CCDC18: variants seen among roughly 807,000 people sequenced by gnomAD.
CCDC18 encodes the protein coiled-coil domain containing 18.
In CCDC18, 157 loss-of-function variants were observed where a neutral mutation model predicts 196.0. The observed-to-expected ratio is 0.80, with a 90% CI of 0.70 to 0.91. The LOEUF is 0.91. Ranked by LOEUF, CCDC18 falls within the 40% of genes least tolerant of loss-of-function variation. CCDC18 has a pLI of 0.00. For synonymous variants in CCDC18, 482 were observed against 529.2 expected, an observed-to-expected ratio of 0.91 and a Z score of 1.22; for missense variants, 1,465 against 1,611.6, an observed-to-expected ratio of 0.91 and a Z score of 1.56.
At position 93,183,899 on chromosome 1, in the gene CCDC18, A is replaced by G. The variant is rs1460020025; in HGVS notation, c.135-79A>G. 1.3e-5 allele frequency: 12 copies of G among 899,260 alleles called. No homozygotes were observed. The South Asian group carries it at 3.3e-4, about 25-fold the overall frequency. The allele number at this position is 899,260 out of a possible 1,614,324, so 55.7% of individuals were successfully genotyped here. ...TGCTTAGCAGCATTTCAGGTTTTCT[A>G]TTTTCTTATTTAATGTATAGCAATT... On this transcript the variant is annotated intron_variant, in intron 2 of 28. Coordinates refer to ENST00000690025, the MANE Select transcript of CCDC18 (RefSeq NM_001378204.1).
chr1:93,186,208 A>T (rs1420905315), intron 3 of CCDC18, 137 bp from the exon 4 acceptor site: 3 of 738,152 alleles, frequency 4.1e-6, no homozygotes, highest in Non-Finnish European at 6.8e-6. Context: ...ATCCTTGTCA[A>T]TACTCACTAA....
In CCDC18 at chr1:93,252,700, A is replaced by G. The variant is rs1052043043; in HGVS notation, c.3199-1771A>G. ...CTTGTAGATATGCAACGACATCTGC[A>G]TATTCAGGGACTGGGTATTTATTTT... On this transcript the variant is annotated intron_variant, in intron 23 of 28. Transcript: ENST00000690025. Among the ~76,000 whole-genome samples, 6 of 152,290 alleles carry G rather than the reference A, an allele frequency of 3.9e-5. No individual in the cohort carries two copies. The East Asian group carries it at 1.2e-3, about 29-fold the overall frequency.
At chr1:93,243,503 C>A (rs1388465979) in intron 21 of CCDC18, among the ~76,000 whole-genome samples, 1 of 152,204 alleles carries the variant, frequency 6.6e-6, no homozygotes, top group African/African-American at 2.4e-5. Context: ...CTCTGACATG[C>A]CCTGGAGACA....
At chr1:93,232,133 G>A (rs557304170) in intron 17 of CCDC18, among the ~76,000 whole-genome samples, 11 of 152,262 alleles carry the variant, frequency 7.2e-5, no homozygotes, top group African/African-American at 2.6e-4. Flanking sequence ...GAATTCTAAA[G>A]GAAGGCATGT....
At chr1:93,198,672 T>C (rs1653222170) in intron 6 of CCDC18, among the ~76,000 whole-genome samples, 1 of 152,144 alleles carries the variant, frequency 6.6e-6, no homozygotes, top group Non-Finnish European at 1.5e-5. Context: ...TAAAGAAATA[T>C]GGTATTGCTT....
intron 13 of CCDC18, 142 bp downstream of exon 13, chr1:93,216,888 A>G (rs1656566912): frequency 4.2e-6 from 2 of 471,786 alleles, no homozygotes; most frequent in Non-Finnish European, 7.5e-6. Flanking sequence ...TTTCTTGTTT[A>G]TATTTTTAAG....
intron 25 of CCDC18, 145 bp downstream of exon 25, chr1:93,256,683 A>T (rs1663005207): frequency 4.4e-6 from 3 of 684,320 alleles, no homozygotes; most frequent in Non-Finnish European, 7.4e-6. Context: ...TTATACACTT[A>T]AAAATGGTTA....
At chr1:93,234,408 C>T (rs897263245) in intron 18 of CCDC18, among the ~76,000 whole-genome samples, 4 of 152,098 alleles carry the variant, frequency 2.6e-5, no homozygotes, top group African/African-American at 9.7e-5. Context: ...GATTCGCCCA[C>T]CTCAGCCTCC....
chr1:93,233,756 AC>A (rs1659599611), intron 18 of CCDC18, among the ~76,000 whole-genome samples: 1 of 151,986 alleles, frequency 6.6e-6, no homozygotes, highest in Non-Finnish European at 1.5e-5. Flanking sequence ...GTGCCACCAC[AC>A]CCAGCTAATT....
intron 21 of CCDC18, among the ~76,000 whole-genome samples, chr1:93,241,870 G>A (rs941398925): frequency 6.6e-6 from 1 of 151,932 alleles, no homozygotes; most frequent in African/African-American, 2.4e-5. Flanking sequence ...ACCAAGGATG[G>A]TCATTTTTAA....
chr1:93,248,293 C>T (rs183350401), intron 23 of CCDC18, among the ~76,000 whole-genome samples: 4 of 152,180 alleles, frequency 2.6e-5, no homozygotes, highest in South Asian at 2.1e-4. Context: ...GGATTACAGG[C>T]GTGAGCCACT....
intron 24 of CCDC18, 45 bp from the exon 25 acceptor site, chr1:93,256,286 TTATC>T: frequency 6.6e-7 from 1 of 1,506,470 alleles, no homozygotes; most frequent in Non-Finnish European, 9.2e-7. Context: ...AAGAAATAGG[TTATC>T]TATATATTTC....
intron 21 of CCDC18, among the ~76,000 whole-genome samples, chr1:93,242,109 C>G (rs966311343): frequency 6.6e-6 from 1 of 152,040 alleles, no homozygotes; most frequent in South Asian, 2.1e-4. Context: ...CAAATGTTTA[C>G]AAAGTAAGCC....
intron 19 of CCDC18, 140 bp downstream of exon 19, chr1:93,236,530 G>A: frequency 1.3e-6 from 1 of 776,536 alleles, no homozygotes; most frequent in Middle Eastern, 3.8e-4. Flanking sequence ...CATTTTGTTT[G>A]TATTTCCTTC....
chr1:93,215,460 T>C (rs935308349), intron 12 of CCDC18, among the ~76,000 whole-genome samples: 5 of 151,316 alleles, frequency 3.3e-5, no homozygotes, highest in African/African-American at 1.2e-4. Context: ...TTTTTCTTTT[T>C]TTTTTTTTTT....
intron 5 of CCDC18, among the ~76,000 whole-genome samples, chr1:93,192,736 C>T (rs1652039134): frequency 6.6e-6 from 1 of 152,208 alleles, no homozygotes; most frequent in African/African-American, 2.4e-5. Flanking sequence ...CCATGCCTTG[C>T]CATCAGGCAC....
chr1:93,189,244 G>A (rs1357285530), intron 4 of CCDC18, among the ~76,000 whole-genome samples: 1 of 152,112 alleles, frequency 6.6e-6, no homozygotes, highest in Non-Finnish European at 1.5e-5. Context: ...TTCTGTGCCT[G>A]ACTTATTTTA....
intron 25 of CCDC18, among the ~76,000 whole-genome samples, chr1:93,257,237 A>AC (rs1390640396): frequency 7.3e-6 from 1 of 136,994 alleles, no homozygotes; most frequent in East Asian, 2.1e-4. Context: ...ATCTCAAAAA[A>AC]AAAAAAAAAA....
At chr1:93,201,649 A>T (rs1280538164) in intron 6 of CCDC18, among the ~76,000 whole-genome samples, 2 of 148,506 alleles carry the variant, frequency 1.3e-5, no homozygotes, top group African/African-American at 2.5e-5. Context: ...AAGAATTTAT[A>T]TATATTTCGA....
Sources: gnomAD v4.1 joint callset for allele counts (sites outside exome capture counted in the v4.1 genomes callset) on GRCh38, gnomAD v4.1.1 for gene constraint, MANE v1.5 for transcripts, NCBI Gene and HGNC (gene_info 2026-07-23, HGNC 2026-07-21) for gene names.